CC2D2B: variants seen among roughly 807,000 people sequenced by gnomAD.
CC2D2B encodes protein CC2D2B.
CC2D2B carries 128 observed loss-of-function variants against 161.2 expected under a neutral mutation model. The observed-to-expected ratio is 0.79, with a 90% CI of 0.69 to 0.92. The LOEUF is 0.92. Among genes scored for constraint, CC2D2B ranks in the 40% least tolerant of loss-of-function variants. The probability of loss-of-function intolerance (pLI) is 0.00; values close to 1 mark genes in which losing one functional copy is unlikely to be tolerated. For missense variants in CC2D2B, 1,173 were observed against 1,375.1 expected (o/e 0.85, Z 2.32); for synonymous variants, 391 against 449.8 (o/e 0.87, Z 1.65).
chr10:95,945,778 T>G (rs934506985), intron 9 of CC2D2B, among the ~76,000 whole-genome samples: 54 of 31,566 alleles, frequency 1.7e-3, no homozygotes, highest in Admixed American at 0.012. Flanking sequence ...AATGTTGGAC[T>G]TTTTTTTTTT....
intron 2 of CC2D2B, among the ~76,000 whole-genome samples, chr10:95,916,709 CTT>C (rs2098517026): frequency 6.6e-6 from 1 of 152,036 alleles, no homozygotes; most frequent in African/African-American, 2.4e-5. Context: ...CAAAGTTCCT[CTT>C]GTTATTGACT....
rs2141272094 is a variant in CC2D2B at position 95,938,915 on chromosome 10, T to C, written c.791T>C (p.Ile264Thr). 2.9e-6 allele frequency: 2 copies of C among 683,180 alleles called. No individual in the cohort carries two copies. The highest frequency in any genetic ancestry group is 5.3e-6 in the Non-Finnish European group (2 of 375,486). 42.3% of individuals were successfully genotyped at this position (683,180 alleles called of 1,614,324 possible). A position where few individuals can be genotyped will look rare whatever the true frequency, so the allele number is the denominator to read the frequency against. The change falls in exon 9 of 35, where the codon ATA becomes ACA. Residue 264 changes from isoleucine to threonine, a missense_variant. Transcript: ENST00000646931. ...KEPLNPLLKTIYRKAVKYDLG... is the reference protein window; with the variant it reads ...KEPLNPLLKTTYRKAVKYDLG... ...CCTTTAAATCCATTACTTAAGACCA[T>C]ATACAGGAAGGTAACCAACAACAAT...
rs1231892043 is a variant in CC2D2B at position 96,012,718 on chromosome 10, A to T, written c.3415A>T (p.Asn1139Tyr). ...TCTGGATATATTTCTTCACAATTCT[A>T]ATGCAACATTTGTAAGTTATTATTA... ...QLLDIFLHNSNATFDLIARFV... is the reference protein window; with the variant it reads ...QLLDIFLHNSYATFDLIARFV... Residue 1139 changes from asparagine to tyrosine, a missense_variant, in exon 28 of 35, where the codon AAT becomes TAT. By Grantham distance (143) the Asn-to-Tyr change is moderately radical (BLOSUM62 -2). Coordinates refer to ENST00000646931, the MANE Select transcript of CC2D2B (RefSeq NM_001349008.3). 3 of 1,575,820 alleles carry T rather than the reference A, an allele frequency of 1.9e-6. No homozygotes were observed. In the South Asian group the frequency reaches 3.3e-5, roughly 18 times the overall value.
intron 17 of CC2D2B, among the ~76,000 whole-genome samples, chr10:95,981,373 C>G (rs2077519514): frequency 1.6e-5 from 2 of 125,776 alleles, no homozygotes; most frequent in Admixed American, 1.1e-4. Flanking sequence ...AGCCTGGCAA[C>G]TGGCTACAGA....
intron 24 of CC2D2B, among the ~76,000 whole-genome samples, chr10:95,997,183 T>C (rs142720237): frequency 6.6e-6 from 1 of 152,238 alleles, no homozygotes; most frequent in Non-Finnish European, 1.5e-5. Flanking sequence ...TTTTTATTTT[T>C]ATTTCTATAT....
chr10:95,924,695 A>G (rs117086544), intron 4 of CC2D2B, 84 bp from the exon 5 acceptor site: 34,495 of 855,960 alleles, frequency 0.04, 877 homozygotes, highest in Non-Finnish European at 0.05. Context: ...ATTGCAAAGT[A>G]TTGATATTTA....
rs974911374 is a variant in CC2D2B, at chr10:95,955,511, T to C, written c.1109+20T>C. 6 of 398,072 alleles carry C rather than the reference T, an allele frequency of 1.5e-5. No individual in the cohort carries two copies. The highest frequency in any genetic ancestry group is 8.2e-5 in the African/African-American group (4 of 48,694). The allele number at this position is 398,072 out of a possible 1,614,324, so 24.7% of individuals were successfully genotyped here. ...AATAAGGTAGGTTTTGAGCCATTCA[T>C]GTTCATCAAGCATTCATTAAGTAAC... On this transcript the variant is annotated intron_variant, in intron 11 of 34. Transcript: ENST00000646931.
Position 96,031,883 on chromosome 10 carries a change from C to G in CC2D2B, c.4189C>G (p.Gln1397Glu). The G allele has an allele frequency of 6.2e-7, 1 of 1,613,716 alleles. No homozygotes were observed. The highest frequency in any genetic ancestry group is 8.5e-7 in the Non-Finnish European group (1 of 1,179,708). Residue 1397 changes from glutamine (Q) to glutamate (E), a missense_variant, in exon 35 of 35, where the codon CAA (glutamine) becomes GAA (glutamate). By Grantham distance (29) the Gln-to-Glu change is conservative. Around this residue, in one of 3 missense-constraint regions of CC2D2B, gnomAD observed 598 missense variants for 693.2 expected, o/e 0.86. Coordinates refer to ENST00000646931, the MANE Select transcript of CC2D2B (RefSeq NM_001349008.3). ...ACAGTCAATTATTGATGCTGTTTAT[C>G]AAACTGGAATTCACTCTGCTGAATT... Reference protein sequence around the residue: ...DVQSIIDAVYQTGIHSAEFPQ... With the variant: ...DVQSIIDAVYETGIHSAEFPQ...
chr10:96,002,205 C>A (rs2078529513), intron 24 of CC2D2B, among the ~76,000 whole-genome samples: 1 of 151,910 alleles, frequency 6.6e-6, no homozygotes, highest in Admixed American at 6.6e-5. Flanking sequence ...TGAAATAGGC[C>A]AAGAACAATG....
At chr10:96,030,669 G>C (rs2080028277) in intron 34 of CC2D2B, among the ~76,000 whole-genome samples, 1 of 152,086 alleles carries the variant, frequency 6.6e-6, no homozygotes, top group Admixed American at 6.6e-5. Flanking sequence ...CAAAGTGCTG[G>C]CAGAAAAGGG....
chr10:96,027,470 T>C, intron 34 of CC2D2B, 81 bp downstream of exon 34: 3 of 987,316 alleles, frequency 3.0e-6, no homozygotes, highest in Non-Finnish European at 4.4e-6. Flanking sequence ...CTTAAATATT[T>C]CTGAAAGGCC....
chr10:95,911,259 C>T (rs1419217372), intron 1 of CC2D2B, 42 bp from the exon 2 acceptor site: 3 of 226,244 alleles, frequency 1.3e-5, no homozygotes, highest in Non-Finnish European at 2.5e-5. Context: ...AGTCAGTTTT[C>T]TTATGATATG....
chr10:95,947,111 ATATTTT>A lies in CC2D2B; in HGVS notation c.802-2783_802-2778del, dbSNP rs1300566948. Among the ~76,000 whole-genome samples the A allele has an allele frequency of 7.1e-4, 29 of 40,716 alleles. No individual in the cohort carries two copies. The East Asian group carries it at 0.018, about 25-fold the overall frequency. The allele number at this position is 40,716 out of a possible 152,430, so 26.7% of individuals were successfully genotyped here. ...TATATATATATATATATATATATAT[ATATTTT>A]TTTTTTTTTTTTTGAGACAAAGTAT... On this transcript the variant is annotated intron_variant, in intron 9 of 34. Transcript: ENST00000646931.
intron 6 of CC2D2B, among the ~76,000 whole-genome samples, chr10:95,933,986 C>T (rs1411642338): frequency 6.6e-6 from 1 of 152,196 alleles, no homozygotes; most frequent in East Asian, 1.9e-4. Context: ...CCCACAGCCG[C>T]CCCTTCCCCA....
chr10:95,974,441 T>G (rs1242490564), intron 17 of CC2D2B, among the ~76,000 whole-genome samples: 1 of 152,196 alleles, frequency 6.6e-6, no homozygotes, highest in Non-Finnish European at 1.5e-5. Context: ...GGGACTTTAT[T>G]TCTGGGGCCT....
intron 11 of CC2D2B, 84 bp from the exon 12 acceptor site, chr10:95,961,745 T>C (rs2076770188): frequency 3.0e-6 from 2 of 668,808 alleles, no homozygotes; most frequent in African/African-American, 3.7e-5. Flanking sequence ...AGAAGAGTTA[T>C]TGCAATACAT....
chr10:96,003,112 T>C (rs1156965023), intron 24 of CC2D2B, among the ~76,000 whole-genome samples: 1 of 151,568 alleles, frequency 6.6e-6, no homozygotes, highest in Admixed American at 6.6e-5. Context: ...CTCTGTGATT[T>C]GCTGGTGGCA....
At chr10:95,993,961 T>C (rs1321107304) in intron 22 of CC2D2B, among the ~76,000 whole-genome samples, 2 of 26,598 alleles carry the variant, frequency 7.5e-5, no homozygotes, top group Non-Finnish European at 1.4e-4. Context: ...TGTATATATA[T>C]ATATATATAT....
At chr10:96,022,190 G>GCA (rs1286718523) in intron 32 of CC2D2B, among the ~76,000 whole-genome samples, 4 of 152,046 alleles carry the variant, frequency 2.6e-5, no homozygotes, top group Non-Finnish European at 5.9e-5. Flanking sequence ...ATGTGGTGGT[G>GCA]CACACCTGTA....
Sources: gnomAD v4.1 joint callset for allele counts (sites outside exome capture counted in the v4.1 genomes callset) on GRCh38, gnomAD v4.1.1 for gene constraint, gnomAD v4.1.1 regional missense constraint, MANE v1.5 for transcripts, NCBI Gene and HGNC (gene_info 2026-07-23, HGNC 2026-07-21) for gene names.